The following UBE3C variants were observed in gnomAD, a reference collection of about 807,000 sequenced individuals.
UBE3C encodes ubiquitin protein ligase E3C, also known as ubiquitin-protein ligase E3C.
Under a neutral mutation model 129.4 loss-of-function variants are expected in UBE3C, and 42 were observed. That is an observed-to-expected ratio of 0.32 (90% CI 0.25 to 0.42). The LOEUF (loss-of-function observed/expected upper bound fraction) is 0.42, where lower values mean the gene tolerates loss of function less well. Ranked by LOEUF, UBE3C falls within the 10% of genes least tolerant of loss-of-function variation. UBE3C has a pLI of 1.00. For missense variants in UBE3C, 1,049 were observed against 1,319.1 expected (o/e 0.80, Z 3.17); for synonymous variants, 510 against 492.4 (o/e 1.04, Z -0.47).
chr7:157,246,706 C>T (rs185520339), intron 18 of UBE3C, among the ~76,000 whole-genome samples: 5 of 152,124 alleles, frequency 3.3e-5, no homozygotes, highest in African/African-American at 7.2e-5. Context: ...CCCTCATTCT[C>T]GGGCAAAAAT....
intron 18 of UBE3C, among the ~76,000 whole-genome samples, chr7:157,234,555 C>T (rs139834543): frequency 8.7e-4 from 132 of 152,282 alleles, no homozygotes; most frequent in South Asian, 3.7e-3. Context: ...ATCAGTCTAT[C>T]CTGGATATAG....
chr7:157,182,184 C>G lies in UBE3C; in HGVS notation c.847C>G (p.Pro283Ala). 1 of 1,613,720 alleles carries G rather than the reference C, an allele frequency of 6.2e-7. No homozygotes were observed. The highest frequency in any genetic ancestry group is 8.5e-7 in the Non-Finnish European group (1 of 1,179,892). ...FTDQIFHFII[P>A]ALADAQTVFP... is the part of the protein sequence containing the mutation. ...AGATCAGATTTTTCATTTCATCATT[C>G]CGGCGCTTGCAGATGCGCAGACCGT... Residue 283 changes from proline (P) to alanine (A), a missense_variant, in exon 8 of 23, where the codon CCG becomes GCG. Transcript: ENST00000348165.
At chr7:157,267,454 T>C in intron 22 of UBE3C, 131 bp from the exon 23 acceptor site, 3 of 1,119,396 alleles carry the variant, frequency 2.7e-6, no homozygotes, top group South Asian at 1.4e-5. Flanking sequence ...AAAGCAAATG[T>C]GGTTTCGGGA....
In UBE3C at chr7:157,186,830, C is replaced by A. The variant is rs1319573244; in HGVS notation, c.1144-4C>A. 3.7e-6 allele frequency: 6 copies of A among 1,613,782 alleles called. No homozygotes were observed. The East Asian group carries it at 1.3e-4, about 36-fold the overall frequency. On this transcript the variant is annotated splice_polypyrimidine_tract_variant and splice_region_variant and intron_variant, in intron 9 of 22. Coordinates refer to ENST00000348165, the MANE Select transcript of UBE3C (RefSeq NM_014671.3). Reference sequence around the variant, plus strand: ...TGGAGACTGGTTGTTCTGGTATGTTCTAGGAGGATGGCAGACTGTCAGTAT... The same window carrying A: ...TGGAGACTGGTTGTTCTGGTATGTTATAGGAGGATGGCAGACTGTCAGTAT...
intron 4 of UBE3C, among the ~76,000 whole-genome samples, chr7:157,172,064 A>C (rs188053454): frequency 7.0e-6 from 1 of 141,890 alleles, no homozygotes; most frequent in African/African-American, 2.7e-5. Flanking sequence ...AGTCTTGCTC[A>C]CTCTGTCGCC....
chr7:157,206,756 CTAAT>C (rs1809445665), intron 11 of UBE3C, among the ~76,000 whole-genome samples: 2 of 148,678 alleles, frequency 1.3e-5, no homozygotes, highest in South Asian at 4.2e-4. Context: ...CCACACCTGG[CTAAT>C]TAATTTAATA....
intron 18 of UBE3C, among the ~76,000 whole-genome samples, chr7:157,244,387 T>C (rs1019045717): frequency 4.6e-5 from 7 of 152,252 alleles, no homozygotes; most frequent in Non-Finnish European, 8.8e-5. Flanking sequence ...AGCGTGTTGC[T>C]ATTAGTATAC....
At chr7:157,196,390 G>C (rs1281716240) in intron 10 of UBE3C, among the ~76,000 whole-genome samples, 1 of 152,190 alleles carries the variant, frequency 6.6e-6, no homozygotes, top group Non-Finnish European at 1.5e-5. Flanking sequence ...AGTGGTGTCT[G>C]GGAAGAAGGG....
chr7:157,232,660 G>C (rs140366266), intron 18 of UBE3C, among the ~76,000 whole-genome samples: 1 of 152,050 alleles, frequency 6.6e-6, no homozygotes, highest in Non-Finnish European at 1.5e-5. Flanking sequence ...CCTGTTATTC[G>C]CATTCTTAAA....
At chr7:157,227,764 A>G (rs1442387676) in intron 17 of UBE3C, among the ~76,000 whole-genome samples, 1 of 152,204 alleles carries the variant, frequency 6.6e-6, no homozygotes. Flanking sequence ...AATTATAACA[A>G]GCCTCAAATT....
Position 157,178,679 on chromosome 7 carries a change from C to T in UBE3C, c.459-11C>T, listed in dbSNP as rs946124210. On this transcript the variant is annotated splice_polypyrimidine_tract_variant and intron_variant, in intron 5 of 22. Coordinates refer to ENST00000348165, the MANE Select transcript of UBE3C (RefSeq NM_014671.3). The stretch of plus-strand genomic sequence containing the variant: ...CCTGTAAGTGTGTGAATACTTTTTT[C>T]ATTTTTACAGGTTGCTGCAAAACTG... 1.2e-6 allele frequency: 2 copies of T among 1,607,078 alleles called. No homozygotes were observed. Among genetic ancestry groups the T allele is most frequent in the Non-Finnish European group, 1.7e-6 (2 of 1,176,694 alleles).
intron 10 of UBE3C, among the ~76,000 whole-genome samples, chr7:157,194,571 G>A (rs544162545): frequency 6.6e-6 from 1 of 152,216 alleles, no homozygotes; most frequent in East Asian, 1.9e-4. Context: ...ATGCCAGAAA[G>A]AAGCCAAATT....
intron 2 of UBE3C, among the ~76,000 whole-genome samples, chr7:157,166,918 G>A (rs1332350287): frequency 1.5e-4 from 17 of 116,030 alleles, no homozygotes; most frequent in Non-Finnish European, 1.6e-5. Flanking sequence ...CCTGTTGGTG[G>A]TGGTGGTGGT....
At chr7:157,230,826 G>A (rs567407074) in intron 17 of UBE3C, among the ~76,000 whole-genome samples, 1 of 152,216 alleles carries the variant, frequency 6.6e-6, no homozygotes, top group South Asian at 2.1e-4. Context: ...GTAGATTCTG[G>A]AGGACCAATT....
chr7:157,143,681 C>T (rs528694786), intron 1 of UBE3C, among the ~76,000 whole-genome samples: 2 of 152,296 alleles, frequency 1.3e-5, no homozygotes, highest in South Asian at 4.1e-4. Context: ...ATGGAACAGT[C>T]TAGGTGCACC....
intron 1 of UBE3C, among the ~76,000 whole-genome samples, chr7:157,157,987 TAGAG>T (rs58093796): frequency 6.8e-5 from 9 of 132,902 alleles, no homozygotes; most frequent in African/African-American, 2.6e-4. Context: ...TATATATATA[TAGAG>T]AGAGAGAGAG....
chr7:157,202,384 C>T (rs775729273), intron 11 of UBE3C, among the ~76,000 whole-genome samples: 5 of 152,160 alleles, frequency 3.3e-5, no homozygotes, highest in Non-Finnish European at 5.9e-5. Flanking sequence ...CGGCCGGGCG[C>T]GGTGGCTCAC....
chr7:157,163,211 C>T (rs1808119781), intron 1 of UBE3C, among the ~76,000 whole-genome samples: 1 of 151,728 alleles, frequency 6.6e-6, no homozygotes, highest in African/African-American at 2.4e-5. Context: ...CAGTGAAACC[C>T]CGTCTCTACT....
At chr7:157,213,407 G>A (rs1156349180) in intron 13 of UBE3C, among the ~76,000 whole-genome samples, 1 of 152,260 alleles carries the variant, frequency 6.6e-6, no homozygotes, top group Non-Finnish European at 1.5e-5. Context: ...CGGCACGCCT[G>A]TGGTGGGCTT....
Sources: allele counts gnomAD v4.1 joint callset (sites outside exome capture counted in the v4.1 genomes callset), GRCh38; gene constraint gnomAD v4.1.1; transcripts MANE v1.5; gene names NCBI Gene and HGNC (gene_info 2026-07-23, HGNC 2026-07-21).